Variants in SMIM36 observed in about 807,000 individuals in gnomAD.
SMIM36 encodes the protein small integral membrane protein 36.
intron 1 of SMIM36, among the ~76,000 whole-genome samples, chr17:55,485,564 C>T (rs1325457137): frequency 6.6e-6 from 1 of 151,882 alleles, no homozygotes. Flanking sequence ...GCTGGGATTA[C>T]AGGCGTGAGC....
At chr17:55,531,585 G>A in the SMIM36 span, among the ~76,000 whole-genome samples, 6 of 152,196 alleles carry the variant, frequency 3.9e-5, no homozygotes, top group Non-Finnish European at 7.4e-5. Context: ...CCTTGATAAG[G>A]TGGACATGTT....
chr17:55,499,458 T>C (rs1909870729), intron 1 of SMIM36, among the ~76,000 whole-genome samples: 2 of 152,202 alleles, frequency 1.3e-5, no homozygotes. Flanking sequence ...CCTCTACTTC[T>C]TAATCTTTGA....
At chr17:55,493,717 G>A (rs1022144967) in intron 1 of SMIM36, among the ~76,000 whole-genome samples, 3 of 151,352 alleles carry the variant, frequency 2.0e-5, no homozygotes, top group African/African-American at 7.3e-5. Flanking sequence ...GGCTGAGGTG[G>A]GAGGATCCCT....
At chr17:55,514,195 C>T (rs140644332), upstream of SMIM36, among the ~76,000 whole-genome samples, 555 of 152,130 alleles carry the variant, frequency 3.6e-3, 2 homozygotes, top group African/African-American at 0.013. Flanking sequence ...CCTCTGGTGC[C>T]ATCTAGTGGC....
exon 5 of SMIM36, chr17:55,449,988 T>C (rs971081609): frequency 7.2e-5 from 11 of 152,366 alleles, no homozygotes; most frequent in African/African-American, 2.6e-4. Context: ...TTATTTTATG[T>C]TGTAAAATAT....
intron 1 of SMIM36, among the ~76,000 whole-genome samples, chr17:55,507,745 A>G (rs1234634838): frequency 6.6e-6 from 1 of 151,984 alleles, no homozygotes; most frequent in Non-Finnish European, 1.5e-5. Flanking sequence ...AAAAAAAGAA[A>G]AAAAAAGAAT....
intron 1 of SMIM36, among the ~76,000 whole-genome samples, chr17:55,484,876 G>C (rs1407579198): frequency 1.3e-5 from 2 of 152,210 alleles, no homozygotes; most frequent in Non-Finnish European, 2.9e-5. Flanking sequence ...TGAGGCAAAG[G>C]CAAGAAAGCT....
At chr17:55,520,594 C>T in the SMIM36 span, among the ~76,000 whole-genome samples, 10 of 152,218 alleles carry the variant, frequency 6.6e-5, no homozygotes, top group East Asian at 3.9e-4. Flanking sequence ...ATGTACAGTG[C>T]GGATACAATG....
intron 4 of SMIM36, among the ~76,000 whole-genome samples, chr17:55,463,292 A>T (rs146721436): frequency 0.011 from 1,631 of 152,172 alleles, 18 homozygotes; most frequent in Admixed American, 0.015. Context: ...GGTGGCTCAC[A>T]CCTGTAATCC....
At chr17:55,498,499 G>A (rs1291727224) in intron 1 of SMIM36, among the ~76,000 whole-genome samples, 1 of 150,992 alleles carries the variant, frequency 6.6e-6, no homozygotes, top group Non-Finnish European at 1.5e-5. Flanking sequence ...TGCTGGTAGT[G>A]GCCTCATTTT....
chr17:55,530,058 C>G, the SMIM36 span, among the ~76,000 whole-genome samples: 1 of 152,192 alleles, frequency 6.6e-6, no homozygotes, highest in African/African-American at 2.4e-5. Context: ...AGTTCTCCTC[C>G]TAAGCCCTAG....
the SMIM36 span, among the ~76,000 whole-genome samples, chr17:55,518,968 G>A: frequency 2.0e-5 from 3 of 151,458 alleles, no homozygotes; most frequent in Admixed American, 6.6e-5. Flanking sequence ...GTGAGAATAT[G>A]AGGTTTGTTT....
At chr17:55,454,382 T>C (rs1468376359) in intron 4 of SMIM36, among the ~76,000 whole-genome samples, 1 of 152,142 alleles carries the variant, frequency 6.6e-6, no homozygotes, top group Non-Finnish European at 1.5e-5. Context: ...CTGGCTGGAT[T>C]TACCTCCTCA....
chr17:55,525,530 C>T, the SMIM36 span, among the ~76,000 whole-genome samples: 4 of 152,198 alleles, frequency 2.6e-5, no homozygotes, highest in African/African-American at 9.7e-5. Flanking sequence ...ATATTCTATA[C>T]AAATCTTCCT....
chr17:55,465,635 G>A (rs1909222606), intron 4 of SMIM36, among the ~76,000 whole-genome samples: 1 of 152,134 alleles, frequency 6.6e-6, no homozygotes, highest in African/African-American at 2.4e-5. Flanking sequence ...TTGACAATTA[G>A]CTTTGTTTAA....
the SMIM36 span, chr17:55,528,091 A>T: frequency 6.6e-6 from 1 of 152,172 alleles, no homozygotes; most frequent in African/African-American, 2.4e-5. Context: ...AACTTTTCAC[A>T]TGCCAGGATT....
intron 4 of SMIM36, among the ~76,000 whole-genome samples, chr17:55,466,043 C>T (rs913766840): frequency 5.3e-5 from 8 of 151,934 alleles, no homozygotes; most frequent in Non-Finnish European, 5.9e-5. Flanking sequence ...TTTGGGAGGC[C>T]GAGGTGGGCG....
chr17:55,512,781 G>A (rs1230304458), upstream of SMIM36, among the ~76,000 whole-genome samples: 2 of 152,216 alleles, frequency 1.3e-5, no homozygotes, highest in African/African-American at 4.8e-5. Context: ...TGGCCAGCTA[G>A]GGCATCAGTA....
At chr17:55,453,515 T>C (rs11079174) in intron 4 of SMIM36, among the ~76,000 whole-genome samples, 109,191 of 152,028 alleles carry the variant, frequency 0.72, 39,862 homozygotes, top group Non-Finnish European at 0.75. Flanking sequence ...CAGTAACGAT[T>C]TCCAGGTTGT....
Sources: gnomAD v4.1 joint callset for allele counts (sites outside exome capture counted in the v4.1 genomes callset) on GRCh38, gnomAD v4.1.1 for gene constraint, MANE v1.5 for transcripts, NCBI Gene and HGNC (gene_info 2026-07-23, HGNC 2026-07-21) for gene names.